The following OR2L5 variants were observed in gnomAD, a reference collection of about 807,000 sequenced individuals.
OR2L5 encodes olfactory receptor family 2 subfamily L member 5, also known as olfactory receptor 2L5.
For missense variants in OR2L5, 413 were observed against 381.6 expected, an observed-to-expected ratio of 1.08 and a Z score of -0.69; for synonymous variants, 169 against 142.0, an observed-to-expected ratio of 1.19 and a Z score of -1.35.
In OR2L5 at chr1:248,018,035, A is replaced by G. The variant is rs192579540; in HGVS notation, c.-21-3892A>G. 1.5e-3 allele frequency among the ~76,000 whole-genome samples: 233 copies of G among 152,086 alleles called. 2 individuals are homozygous for G. In the South Asian group the frequency reaches 0.03, roughly 19 times the overall value. On this transcript the variant is annotated intron_variant, in intron 1 of 1. Coordinates refer to ENST00000355281, the MANE Select transcript of OR2L5 (RefSeq NM_001258284.2). ...CCTGGCGTGGTGGTGGGCCCCTGTAATCCCAGCTACTTGGGAGGCTGAGGC... is the reference window on the plus strand; with the variant it reads ...CCTGGCGTGGTGGTGGGCCCCTGTAGTCCCAGCTACTTGGGAGGCTGAGGC...
chr1:248,016,043 A>G (rs149558462), intron 1 of OR2L5, among the ~76,000 whole-genome samples: 3 of 152,292 alleles, frequency 2.0e-5, no homozygotes, highest in East Asian at 1.9e-4. Context: ...TGATTCAGCT[A>G]TTCTTCCTTA....
At chr1:248,013,971 T>C (rs879442734) in intron 1 of OR2L5, among the ~76,000 whole-genome samples, 1 of 152,134 alleles carries the variant, frequency 6.6e-6, no homozygotes, top group East Asian at 1.9e-4. Context: ...GAAATGATGA[T>C]CAATGGAAGA....
Position 248,022,697 on chromosome 1 carries a change from C to T in OR2L5, c.750C>T (p.Tyr250=). The T allele has an allele frequency of 6.2e-7, 1 of 1,614,168 alleles. No homozygotes were observed. The highest frequency in any genetic ancestry group is 8.5e-7 in the Non-Finnish European group (1 of 1,180,012). The change falls in exon 2 of 2, where the codon TAC becomes TAT. Residue 250 remains tyrosine, a synonymous_variant. Transcript: ENST00000355281. ...CCCACCTCACTGTAGTAACTTTCTACTATGCACCCTTTGCTTATACCTATC... is the reference window on the plus strand; with the variant it reads ...CCCACCTCACTGTAGTAACTTTCTATTATGCACCCTTTGCTTATACCTATC... ...CSTHLTVVTF[Y]YAPFAYTYLC... is the part of the protein sequence containing the mutation.
intron 1 of OR2L5, 43 bp from the exon 2 acceptor site, chr1:248,021,884 T>G: frequency 7.6e-7 from 1 of 1,318,576 alleles, no homozygotes; most frequent in East Asian, 2.3e-5. Context: ...CTGCAGATAA[T>G]GGGGAACTAC....
At position 248,021,968 on chromosome 1, in the gene OR2L5, G is replaced by T. The variant is rs559064555; in HGVS notation, c.21G>T (p.Thr7=). Residue 7 remains threonine (T), a synonymous_variant, in exon 2 of 2, where the codon ACG becomes ACT. Coordinates refer to ENST00000355281, the MANE Select transcript of OR2L5 (RefSeq NM_001258284.2). ...GCCCCATGGAAAATTACAATCAAAC[G>T]TCAACTGATTTCATCTTATTGGGGC... The part of the protein sequence containing the change: MENYNQ[T]STDFILLGLF... 2 of 1,613,118 alleles carry T rather than the reference G, an allele frequency of 1.2e-6. No homozygotes were observed. Among genetic ancestry groups the T allele is most frequent in the African/African-American group, 2.7e-5 (2 of 74,816 alleles).
chr1:248,022,731 A>C lies in OR2L5; in HGVS notation c.784A>C (p.Arg262=). 1 of 1,614,092 alleles carries C rather than the reference A, an allele frequency of 6.2e-7. No individual in the cohort carries two copies. Among genetic ancestry groups the C allele is most frequent in the Non-Finnish European group, 8.5e-7 (1 of 1,179,966 alleles). The change falls in exon 2 of 2, where the codon AGA becomes CGA. Residue 262 remains arginine (R), a synonymous_variant. Coordinates refer to ENST00000355281, the MANE Select transcript of OR2L5 (RefSeq NM_001258284.2). ...APFAYTYLCP[R]SLRSLTEDKV... The stretch of plus-strand genomic sequence containing the variant: ...CTTTGCTTATACCTATCTATGTCCA[A>C]GATCCCTGCGATCTCTGACAGAGGA...
In OR2L5 at chr1:248,022,651, A is replaced by G. The variant is rs1662371345; in HGVS notation, c.704A>G (p.Lys235Arg). 6.2e-7 allele frequency: 1 copy of G among 1,614,100 alleles called. No individual in the cohort carries two copies. The highest frequency in any genetic ancestry group is 1.6e-4 in the Middle Eastern group (1 of 6,062). The change falls in exon 2 of 2, where the codon AAG becomes AGG. Residue 235 changes from lysine to arginine, a missense_variant. Transcript: ENST00000355281. ...ATGCACTCTGCAGAAGGGAGGAAAA[A>G]GGCCTATTCGACCTGCAGCACCCAC... ...YRMHSAEGRK[K>R]AYSTCSTHLT...
rs112887483 is a variant in OR2L5 at position 248,015,459 on chromosome 1, A to T, written c.-22+1721A>T. On this transcript the variant is annotated intron_variant, in intron 1 of 1. Coordinates refer to ENST00000355281, the MANE Select transcript of OR2L5 (RefSeq NM_001258284.2). ...ACTATAGACATGCAGATTCAGGTAC[A>T]GACAGCTTGTTTTAAGGAATTCAGG... Among the ~76,000 whole-genome samples the T allele has an allele frequency of 5.6e-3, 857 of 152,294 alleles. 13 individuals are homozygous for T. Among genetic ancestry groups the T allele is most frequent in the Middle Eastern group, 0.024 (7 of 294 alleles).
intron 1 of OR2L5, among the ~76,000 whole-genome samples, chr1:248,021,464 A>G (rs1662333048): frequency 1.3e-5 from 2 of 152,190 alleles, no homozygotes; most frequent in African/African-American, 4.8e-5. Flanking sequence ...TGCAGTCTGA[A>G]AATATTGGGT....
At chr1:248,015,454 G>C (rs543467680) in intron 1 of OR2L5, among the ~76,000 whole-genome samples, 1 of 152,200 alleles carries the variant, frequency 6.6e-6, no homozygotes, top group South Asian at 2.1e-4. Flanking sequence ...TGCAGATTCA[G>C]GTACAGACAG....
At chr1:248,018,160 T>TAAA (rs936469426) in intron 1 of OR2L5, among the ~76,000 whole-genome samples, 28 of 144,234 alleles carry the variant, frequency 1.9e-4, no homozygotes, top group Non-Finnish European at 3.0e-5. Flanking sequence ...CTCAAAAAAA[T>TAAA]AAAAAAAAAA....
chr1:248,019,883 C>A (rs1662294104), intron 1 of OR2L5, among the ~76,000 whole-genome samples: 1 of 151,980 alleles, frequency 6.6e-6, no homozygotes, highest in African/African-American at 2.4e-5. Flanking sequence ...GCCTCCTGGG[C>A]TCAAGCAATC....
chr1:248,021,132 T>G (rs2103077614), intron 1 of OR2L5, among the ~76,000 whole-genome samples: 1 of 152,250 alleles, frequency 6.6e-6, no homozygotes, highest in Non-Finnish European at 1.5e-5. Context: ...CATATGATCT[T>G]GATTACATCT....
chr1:248,018,598 A>G lies in OR2L5; in HGVS notation c.-21-3329A>G, dbSNP rs1046160838. Among the ~76,000 whole-genome samples the G allele has an allele frequency of 3.0e-4, 45 of 152,222 alleles. 2 individuals are homozygous for G. ...TTTCTTAAAATGTATTTGGAATTCC[A>G]AATATGGAATAATTTCAGTACATTT... On this transcript the variant is annotated intron_variant, in intron 1 of 1. Transcript: ENST00000355281.
At chr1:248,018,962 G>C (rs1330120876) in intron 1 of OR2L5, among the ~76,000 whole-genome samples, 1 of 152,066 alleles carries the variant, frequency 6.6e-6, no homozygotes, top group African/African-American at 2.4e-5. Flanking sequence ...CTATGTTGTA[G>C]CATGTGTCAC....
rs1056374678 is a variant in OR2L5 at position 248,023,426 on chromosome 1, A to G, written c.*540A>G. 6 of 152,384 alleles carry G rather than the reference A, an allele frequency of 3.9e-5. No individual in the cohort carries two copies. The highest frequency in any genetic ancestry group is 1.4e-4 in the African/African-American group (6 of 41,442). 9.4% of individuals were successfully genotyped at this position (152,384 alleles called of 1,614,324 possible). The stretch of plus-strand genomic sequence containing the variant: ...TAAAACAACAATTTCTTTATAAAAG[A>G]TTCTATGGAATTTACCTTCTATAGA... On this transcript the variant is annotated 3_prime_UTR_variant, in exon 2 of 2. Coordinates refer to ENST00000355281, the MANE Select transcript of OR2L5 (RefSeq NM_001258284.2).
chr1:248,022,228 T>A lies in OR2L5; in HGVS notation c.281T>A (p.Ile94Asn), dbSNP rs373580108. The change falls in exon 2 of 2, where the codon ATT (isoleucine) becomes AAT (asparagine). Residue 94 changes from isoleucine to asparagine, a missense_variant. By Grantham distance (149) the Ile-to-Asn change is moderately radical. Coordinates refer to ENST00000355281, the MANE Select transcript of OR2L5 (RefSeq NM_001258284.2). ...FLYGNKSISF[I>N]GCGIQSFFFM... is the part of the protein sequence containing the mutation. ...TATGGAAACAAGTCTATCTCCTTCATTGGGTGTGGGATTCAGAGTTTCTTC... is the reference window on the plus strand; with the variant it reads ...TATGGAAACAAGTCTATCTCCTTCAATGGGTGTGGGATTCAGAGTTTCTTC... The A allele has an allele frequency of 6.2e-7, 1 of 1,614,172 alleles. No individual in the cohort carries two copies. Among genetic ancestry groups the A allele is most frequent in the East Asian group, 2.2e-5 (1 of 44,880 alleles).
At chr1:248,016,564 A>G (rs1662201856) in intron 1 of OR2L5, among the ~76,000 whole-genome samples, 1 of 152,116 alleles carries the variant, frequency 6.6e-6, no homozygotes. Flanking sequence ...TTTAGCATCT[A>G]TAATGATTAT....
At chr1:248,014,298 A>T (rs143795005) in intron 1 of OR2L5, among the ~76,000 whole-genome samples, 119 of 152,242 alleles carry the variant, frequency 7.8e-4, no homozygotes, top group African/African-American at 2.7e-3. Context: ...GAGAGTGGTT[A>T]AAATTACCAG....
Sources: allele counts gnomAD v4.1 joint callset (sites outside exome capture counted in the v4.1 genomes callset), GRCh38; gene constraint gnomAD v4.1.1; transcripts MANE v1.5; gene names NCBI Gene and HGNC (gene_info 2026-07-23, HGNC 2026-07-21).